TBCD: variants seen among roughly 807,000 people sequenced by gnomAD.
TBCD encodes the protein tubulin folding cofactor D, also known as tubulin-specific chaperone D.
In TBCD, 105 loss-of-function variants were observed where a neutral mutation model predicts 169.3. The observed-to-expected ratio is 0.62, with a 90% confidence interval of 0.53 to 0.73. The LOEUF (loss-of-function observed/expected upper bound fraction) is 0.73. Among genes scored for constraint, TBCD ranks in the 30% least tolerant of loss-of-function variants. TBCD has a pLI of 0.00. For synonymous variants in TBCD, 700 were observed against 643.9 expected, an observed-to-expected ratio of 1.09 and a Z score of -1.32; for missense variants, 1,444 against 1,600.1, an observed-to-expected ratio of 0.90 and a Z score of 1.66.
At chr17:82,822,206 A>G (rs1215296842) in intron 13 of TBCD, among the ~76,000 whole-genome samples, 3 of 152,376 alleles carry the variant, frequency 2.0e-5, no homozygotes, top group African/African-American at 4.8e-5. Context: ...TGCTCTTGGC[A>G]GTTGAGGTGA....
At chr17:82,824,875 A>G (rs2052703838) in intron 13 of TBCD, among the ~76,000 whole-genome samples, 1 of 152,214 alleles carries the variant, frequency 6.6e-6, no homozygotes, top group African/African-American at 2.4e-5. Flanking sequence ...TGTAAAAATT[A>G]CGAGTGTTTA....
At chr17:82,931,624 G>A (rs183813971) in intron 33 of TBCD, among the ~76,000 whole-genome samples, 251 of 152,352 alleles carry the variant, frequency 1.6e-3, no homozygotes, top group African/African-American at 5.3e-3. Context: ...CGGGGCTGTT[G>A]CTGGTAGAGC....
chr17:82,916,558 C>T (rs1292169756), intron 23 of TBCD, among the ~76,000 whole-genome samples: 2 of 151,526 alleles, frequency 1.3e-5, no homozygotes, highest in Admixed American at 6.6e-5. Flanking sequence ...GTTATTTTTG[C>T]TAAGAATGAA....
Position 82,920,795 on chromosome 17 carries a change from ACC to A in TBCD, c.2101+178_2101+179del, listed in dbSNP as rs10560385. On this transcript the variant is annotated intron_variant, in intron 24 of 38. Coordinates refer to ENST00000355528, the MANE Select transcript of TBCD (RefSeq NM_005993.5). This position sits in a 1 kb window ranked among gnomAD's most constrained non-coding sequence, Gnocchi z 4.1. ...GAACCTGCTTAAATAATGGGTACCC[ACC>A]GCCCTCTCCCCCCAACACAGGAGGG... Among the ~76,000 whole-genome samples the A allele has an allele frequency of 0.23, 35,051 of 151,676 alleles. 4,343 individuals are homozygous for A. Among genetic ancestry groups the A allele is most frequent in the East Asian group, 0.48 (2,445 of 5,108 alleles).
rs373747821 is a variant in TBCD at position 82,855,993 on chromosome 17, C to CCTTTTTTTTT, written c.1319-14231_1319-14230insCTTTTTTTTT. ...TTTGTATGGGTAGACTCCCCCCCCA[C>CCTTTTTTTTT]TTTTTTTTTTTTTTTTTTTTTTTTT... On this transcript the variant is annotated intron_variant, in intron 13 of 38. Coordinates refer to ENST00000355528, the MANE Select transcript of TBCD (RefSeq NM_005993.5). 4.2e-4 allele frequency among the ~76,000 whole-genome samples: 28 copies of CCTTTTTTTTT among 66,276 alleles called. 1 individual carries two copies. Among genetic ancestry groups the CCTTTTTTTTT allele is most frequent in the African/African-American group, 1.9e-3 (27 of 14,258 alleles). 43.5% of individuals were successfully genotyped at this position (66,276 alleles called of 152,430 possible). A position where few individuals can be genotyped will look rare whatever the true frequency, so the allele number is the denominator to read the frequency against.
At chr17:82,830,529 G>C (rs1244870006) in intron 13 of TBCD, 1 of 1,613,952 alleles carries the variant, frequency 6.2e-7, no homozygotes, top group African/African-American at 1.3e-5. Context: ...TCTCAGGGTG[G>C]CTGGGCCCAT....
intron 23 of TBCD, among the ~76,000 whole-genome samples, chr17:82,919,259 C>T (rs1436814314): frequency 6.6e-6 from 1 of 152,102 alleles, no homozygotes; most frequent in African/African-American, 2.4e-5. Flanking sequence ...AACTGGTTTT[C>T]TGGGGTTTTT....
At chr17:82,891,419 C>T (rs12938554) in intron 16 of TBCD, among the ~76,000 whole-genome samples, 29,346 of 152,218 alleles carry the variant, frequency 0.19, 3,013 homozygotes, top group Middle Eastern at 0.25. Flanking sequence ...CGGACGGCAG[C>T]GGGAGCCTCG....
intron 37 of TBCD, 45 bp from the exon 38 acceptor site, chr17:82,941,354 T>G: frequency 6.6e-7 from 1 of 1,522,994 alleles, no homozygotes; most frequent in Non-Finnish European, 8.8e-7. Context: ...CCTGAGGTTC[T>G]CCGGTGGGCA....
intron 17 of TBCD, among the ~76,000 whole-genome samples, chr17:82,898,987 C>T (rs2059681996): frequency 6.6e-6 from 1 of 152,270 alleles, no homozygotes; most frequent in South Asian, 2.1e-4. Context: ...CTGTGTGCTG[C>T]TGCCCTGCCC....
chr17:82,762,139 A>G (rs916404611), intron 2 of TBCD, among the ~76,000 whole-genome samples: 6 of 147,878 alleles, frequency 4.1e-5, no homozygotes, highest in African/African-American at 1.5e-4. Context: ...ACACGGTGAA[A>G]CCCCATCTCT....
intron 6 of TBCD, among the ~76,000 whole-genome samples, chr17:82,780,974 T>A (rs1233764014): frequency 1.3e-5 from 2 of 152,030 alleles, no homozygotes; most frequent in Non-Finnish European, 2.9e-5. Flanking sequence ...GGGAGCTCTG[T>A]GTGCTCAAGG....
chr17:82,838,430 C>T (rs1455011735), intron 13 of TBCD, among the ~76,000 whole-genome samples: 1 of 152,084 alleles, frequency 6.6e-6, no homozygotes, highest in Admixed American at 6.5e-5. Context: ...GCTTGTCATG[C>T]GTCCTAACCT....
At chr17:82,854,371 A>G (rs182271030) in intron 13 of TBCD, among the ~76,000 whole-genome samples, 11 of 152,344 alleles carry the variant, frequency 7.2e-5, no homozygotes, top group African/African-American at 2.2e-4. Flanking sequence ...CCCTCATGCA[A>G]GCACGTCCAC....
rs544661279 is a variant in TBCD, at chr17:82,775,587, C to T, written c.638+3080C>T. On this transcript the variant is annotated intron_variant, in intron 6 of 38. Transcript: ENST00000355528. The stretch of plus-strand genomic sequence containing the variant: ...GCTTCTCCCTGTATCACTGGCGGCT[C>T]TACAGCTGCACCCGTCTCCCTTGAT... Among the ~76,000 whole-genome samples the T allele has an allele frequency of 7.7e-4, 117 of 152,156 alleles. No homozygotes were observed. The South Asian group carries it at 8.3e-3, about 11-fold the overall frequency.
rs74002593 is a variant in TBCD, at chr17:82,859,482, C to T, written c.1319-10742C>T. ...GCCTGCCAGCTCTGTGTCCTCCCTACACTCACACACTGGCTTTCAGGGAGA... is the reference window on the plus strand; with the variant it reads ...GCCTGCCAGCTCTGTGTCCTCCCTATACTCACACACTGGCTTTCAGGGAGA... On this transcript the variant is annotated intron_variant, in intron 13 of 38. Transcript: ENST00000355528. 2.4e-3 allele frequency: 2,165 copies of T among 915,144 alleles called. 28 individuals carry two copies. In the African/African-American group the frequency reaches 0.035, roughly 15 times the overall value. 56.7% of individuals were successfully genotyped at this position (915,144 alleles called of 1,614,324 possible).
At chr17:82,856,087 C>T (rs1050167027) in intron 13 of TBCD, among the ~76,000 whole-genome samples, 1 of 132,564 alleles carries the variant, frequency 7.5e-6, no homozygotes, top group African/African-American at 2.8e-5. Flanking sequence ...ATCCTCTCAT[C>T]TTGGCCTCCC....
In TBCD at chr17:82,877,446, A is replaced by G. The variant is rs572828534; in HGVS notation, c.1476-6699A>G. ...CTGCAATCTCCGCCTCCTGGGTTCA[A>G]GCAATTCTTCTGCCTGCCTAGTAGC... On this transcript the variant is annotated intron_variant, in intron 14 of 38. Transcript: ENST00000355528. 2.0e-5 allele frequency among the ~76,000 whole-genome samples: 3 copies of G among 152,212 alleles called. No homozygotes were observed. In the East Asian group the frequency reaches 5.8e-4, roughly 29 times the overall value.
Position 82,944,146 on chromosome 17 carries a change from A to C in TBCD, c.*1683A>C, listed in dbSNP as rs75879963. On this transcript the variant is annotated 3_prime_UTR_variant, in exon 39 of 39. Transcript: ENST00000355528. The stretch of plus-strand genomic sequence containing the variant: ...TTCCAGATAAATGGCATTTTAAGAC[A>C]TGGAGGCAGGTCGATTACCCACCCA... 9.8e-5 allele frequency: 15 copies of C among 152,392 alleles called. No homozygotes were observed. In the East Asian group the frequency reaches 2.7e-3, roughly 27 times the overall value. 9.4% of individuals were successfully genotyped at this position (152,392 alleles called of 1,614,324 possible).
Sources: gnomAD v4.1 joint callset for allele counts (sites outside exome capture counted in the v4.1 genomes callset) on GRCh38, gnomAD v4.1.1 for gene constraint, Gnocchi (gnomAD v3.1) non-coding constraint, MANE v1.5 for transcripts, NCBI Gene and HGNC (gene_info 2026-07-23, HGNC 2026-07-21) for gene names.